The following DOK6 variants were observed in gnomAD, a reference collection of about 807,000 sequenced individuals.
The protein encoded by DOK6 is docking protein 6.
A neutral mutation model predicts 44.0 loss-of-function variants in DOK6; 22 were observed. The ratio of observed to expected loss-of-function variants is 0.50; its 90% confidence interval spans 0.36 to 0.71. The LOEUF (loss-of-function observed/expected upper bound fraction) is 0.71. Among genes scored for constraint, DOK6 ranks in the 30% least tolerant of loss-of-function variants. DOK6 has a pLI of 0.00. For missense variants in DOK6, 340 were observed against 416.4 expected (o/e 0.82, Z 1.60); for synonymous variants, 166 against 145.5 (o/e 1.14, Z -1.01).
At chr18:69,661,303 A>T (rs905321966) in intron 3 of DOK6, 1 of 152,178 alleles carries the variant, frequency 6.6e-6, no homozygotes, top group African/African-American at 2.4e-5. Context: ...GGTCTTTTAT[A>T]AGGACGCTAA....
intron 1 of DOK6, among the ~76,000 whole-genome samples, chr18:69,482,178 G>A (rs1197333363): frequency 6.6e-6 from 1 of 152,118 alleles, no homozygotes; most frequent in Admixed American, 6.5e-5. Flanking sequence ...TAGGTTGCCT[G>A]TTCACTCTGA....
At chr18:69,605,792 TA>T (rs146155757) in intron 3 of DOK6, among the ~76,000 whole-genome samples, 4,559 of 152,212 alleles carry the variant, frequency 0.03, 92 homozygotes, top group East Asian at 0.12. Flanking sequence ...ACACTTAAGA[TA>T]AAAACTGATG....
chr18:69,493,286 A>G (rs1255217242), intron 1 of DOK6, among the ~76,000 whole-genome samples: 1 of 152,162 alleles, frequency 6.6e-6, no homozygotes, highest in Non-Finnish European at 1.5e-5. Flanking sequence ...TTTTCTAAGA[A>G]GTAAGGGAGG....
intron 1 of DOK6, among the ~76,000 whole-genome samples, chr18:69,473,258 G>T (rs906260419): frequency 6.6e-6 from 1 of 152,102 alleles, no homozygotes; most frequent in Non-Finnish European, 1.5e-5. Flanking sequence ...TTGAAAATAT[G>T]TCCAATGAAT....
intron 1 of DOK6, among the ~76,000 whole-genome samples, chr18:69,466,532 A>G (rs2122481820): frequency 6.6e-6 from 1 of 152,270 alleles, no homozygotes; most frequent in Non-Finnish European, 1.5e-5. Context: ...ATATATCTAG[A>G]CTTGGGATTG....
At chr18:69,589,029 C>T (rs972746471) in intron 2 of DOK6, among the ~76,000 whole-genome samples, 5 of 151,760 alleles carry the variant, frequency 3.3e-5, no homozygotes, top group African/African-American at 1.2e-4. Context: ...TTTTTATCAG[C>T]AACAGGAGGC....
intron 3 of DOK6, among the ~76,000 whole-genome samples, chr18:69,645,255 A>T (rs1470157248): frequency 6.6e-6 from 1 of 152,192 alleles, no homozygotes; most frequent in East Asian, 1.9e-4. Flanking sequence ...ACCCTGTGAG[A>T]GGTGCATGCA....
intron 2 of DOK6, among the ~76,000 whole-genome samples, chr18:69,579,659 G>A (rs1194237962): frequency 6.6e-6 from 1 of 151,942 alleles, no homozygotes; most frequent in Non-Finnish European, 1.5e-5. Flanking sequence ...CAGCTCCCTC[G>A]TTCAAATGAT....
chr18:69,728,018 T>C (rs1978319179), intron 5 of DOK6, among the ~76,000 whole-genome samples: 2 of 152,222 alleles, frequency 1.3e-5, no homozygotes, highest in African/African-American at 4.8e-5. Flanking sequence ...CAGGCTGGCA[T>C]CTGCTGTAGT....
chr18:69,703,242 G>T (rs543312990), intron 5 of DOK6, among the ~76,000 whole-genome samples: 1 of 152,188 alleles, frequency 6.6e-6, no homozygotes, highest in Admixed American at 6.5e-5. Context: ...TTTCATGGAG[G>T]CCTTTGCTAC....
intron 3 of DOK6, among the ~76,000 whole-genome samples, chr18:69,643,061 T>A (rs973193841): frequency 6.6e-6 from 1 of 152,204 alleles, no homozygotes; most frequent in South Asian, 2.1e-4. Flanking sequence ...CTTTGTATCA[T>A]TATGGCCCTA....
chr18:69,798,382 T>A (rs79780122), intron 7 of DOK6, among the ~76,000 whole-genome samples: 2 of 152,080 alleles, frequency 1.3e-5, no homozygotes, highest in African/African-American at 2.4e-5. Flanking sequence ...GGCTAAAGGA[T>A]TGTAAGAGTT....
At chr18:69,583,477 G>T (rs962326104) in intron 2 of DOK6, among the ~76,000 whole-genome samples, 1 of 152,036 alleles carries the variant, frequency 6.6e-6, no homozygotes, top group Non-Finnish European at 1.5e-5. Flanking sequence ...TGGAAATAAC[G>T]TCTCACTTGT....
intron 1 of DOK6, among the ~76,000 whole-genome samples, chr18:69,427,451 T>C (rs1978672846): frequency 6.6e-6 from 1 of 152,150 alleles, no homozygotes; most frequent in Non-Finnish European, 1.5e-5. Flanking sequence ...CCAGTCAAAC[T>C]GGCTACAGAT....
intron 2 of DOK6, among the ~76,000 whole-genome samples, chr18:69,579,464 T>C (rs905428667): frequency 6.6e-6 from 1 of 152,246 alleles, no homozygotes; most frequent in African/African-American, 2.4e-5. Context: ...ATGGAAACTG[T>C]CTTCCTATTT....
intron 3 of DOK6, among the ~76,000 whole-genome samples, chr18:69,622,367 T>C (rs1984462196): frequency 6.6e-6 from 1 of 152,232 alleles, no homozygotes; most frequent in Non-Finnish European, 1.5e-5. Context: ...GCAGTATTCG[T>C]TTGTTTTGAT....
chr18:69,763,218 C>G (rs543412094), intron 7 of DOK6, among the ~76,000 whole-genome samples: 1 of 152,302 alleles, frequency 6.6e-6, no homozygotes, highest in East Asian at 1.9e-4. Flanking sequence ...AATCTCTGTC[C>G]GTAAGTGGTT....
At chr18:69,596,233 T>C (rs980836298) in intron 2 of DOK6, among the ~76,000 whole-genome samples, 1 of 152,056 alleles carries the variant, frequency 6.6e-6, no homozygotes, top group Non-Finnish European at 1.5e-5. Flanking sequence ...TGGCCCCATA[T>C]GTGAAGTAAT....
intron 7 of DOK6, among the ~76,000 whole-genome samples, chr18:69,805,107 C>T (rs1981017145): frequency 6.6e-6 from 1 of 152,150 alleles, no homozygotes; most frequent in African/African-American, 2.4e-5. Flanking sequence ...TCGAAACCCA[C>T]TCACTTAGTG....
Sources: allele counts gnomAD v4.1 joint callset (sites outside exome capture counted in the v4.1 genomes callset), GRCh38; gene constraint gnomAD v4.1.1; transcripts MANE v1.5; gene names NCBI Gene and HGNC (gene_info 2026-07-23, HGNC 2026-07-21).